Variants in MINDY2 observed in about 807,000 individuals in gnomAD.
MINDY2 encodes ubiquitin carboxyl-terminal hydrolase MINDY-2.
Under a neutral mutation model 68.2 loss-of-function variants are expected in MINDY2, and 52 were observed. The observed-to-expected ratio is 0.76, with a 90% confidence interval of 0.61 to 0.96. The LOEUF is 0.96. Among genes scored for constraint, MINDY2 ranks in the 40% least tolerant of loss-of-function variants. The pLI is 0.00. For missense variants in MINDY2, 881 were observed against 773.4 expected, an observed-to-expected ratio of 1.14 and a Z score of -1.65; for synonymous variants, 372 against 303.0, an observed-to-expected ratio of 1.23 and a Z score of -2.36.
In MINDY2 at chr15:58,848,668, C is replaced by G. The variant is rs1402999723; in HGVS notation, c.1542+1198C>G. On this transcript the variant is annotated intron_variant, in intron 7 of 8. Transcript: ENST00000559228. The stretch of plus-strand genomic sequence containing the variant: ...GGCTGAGGCAGGAGAATGGCATGAA[C>G]CAAGGAGGCAGAGCTTGCAGCGAGC... 3.9e-5 allele frequency among the ~76,000 whole-genome samples: 6 copies of G among 152,086 alleles called. No homozygotes were observed. In the South Asian group the frequency reaches 1.0e-3, roughly 26 times the overall value.
intron 2 of MINDY2, among the ~76,000 whole-genome samples, chr15:58,788,210 C>T (rs576528343): frequency 6.6e-6 from 1 of 152,122 alleles, no homozygotes; most frequent in Non-Finnish European, 1.5e-5. Flanking sequence ...AAACAAGATA[C>T]ATCTTAATCC....
chr15:58,817,855 A>G (rs766297284), intron 4 of MINDY2: 1 of 152,270 alleles, frequency 6.6e-6, no homozygotes, highest in Non-Finnish European at 1.5e-5. Flanking sequence ...TGGTTTATCC[A>G]TTAAAGTTGA....
chr15:58,830,814 G>C (rs2031668835), intron 5 of MINDY2, among the ~76,000 whole-genome samples: 2 of 152,034 alleles, frequency 1.3e-5, no homozygotes, highest in Non-Finnish European at 2.9e-5. Flanking sequence ...GAAGCAAGAA[G>C]GCAGAATGTT....
At chr15:58,835,085 G>GT (rs1156453302) in intron 6 of MINDY2, among the ~76,000 whole-genome samples, 1 of 152,158 alleles carries the variant, frequency 6.6e-6, no homozygotes, top group Admixed American at 6.5e-5. Flanking sequence ...TATTGAGCAT[G>GT]TATCATGTCT....
chr15:58,810,189 T>C, intron 3 of MINDY2, 41 bp from the exon 4 acceptor site: 1 of 1,537,872 alleles, frequency 6.5e-7, no homozygotes, highest in Non-Finnish European at 8.8e-7. Flanking sequence ...GTTCTCGTTT[T>C]GATGTTTCTG....
chr15:58,853,645 C>G (rs113800059), intron 8 of MINDY2, among the ~76,000 whole-genome samples: 3 of 151,408 alleles, frequency 2.0e-5, no homozygotes, highest in Non-Finnish European at 2.9e-5. Context: ...ATGATGAAAC[C>G]CTGTCACTAC....
intron 5 of MINDY2, among the ~76,000 whole-genome samples, chr15:58,824,671 CT>C (rs559754099): frequency 0.064 from 8,660 of 135,086 alleles, 619 homozygotes; most frequent in African/African-American, 0.22. Flanking sequence ...ATCATATTAT[CT>C]TTTTTTTTTT....
intron 8 of MINDY2, among the ~76,000 whole-genome samples, chr15:58,852,922 G>GTTTTTGTTTTTTTTTTTTTTT (rs2032893601): frequency 2.0e-5 from 1 of 48,930 alleles, no homozygotes; most frequent in Non-Finnish European, 4.0e-5. Context: ...TGCTGTTCCT[G>GTTTTTGTTTTTTTTTTTTTTT]TTTTTTTTTT....
chr15:58,794,992 G>A (rs2084293584), intron 2 of MINDY2, among the ~76,000 whole-genome samples: 1 of 145,984 alleles, frequency 6.9e-6, no homozygotes, highest in Non-Finnish European at 1.5e-5. Flanking sequence ...TCGAGACCAC[G>A]GTGAAACCCC....
chr15:58,789,179 A>T (rs1202598942), intron 2 of MINDY2, among the ~76,000 whole-genome samples: 1 of 152,152 alleles, frequency 6.6e-6, no homozygotes, highest in Non-Finnish European at 1.5e-5. Flanking sequence ...CGACTAAAAA[A>T]TACAAAAAAT....
chr15:58,793,119 G>A (rs1483274205), intron 2 of MINDY2, among the ~76,000 whole-genome samples: 1 of 152,166 alleles, frequency 6.6e-6, no homozygotes, highest in Non-Finnish European at 1.5e-5. Flanking sequence ...ACTGCTAATG[G>A]GTACAGGGTT....
intron 2 of MINDY2, among the ~76,000 whole-genome samples, chr15:58,797,259 C>G (rs1357309551): frequency 6.6e-6 from 1 of 152,142 alleles, no homozygotes; most frequent in South Asian, 2.1e-4. Flanking sequence ...TTTATCCCAG[C>G]ACTTCGCGAG....
intron 7 of MINDY2, among the ~76,000 whole-genome samples, chr15:58,851,231 C>T (rs1490744204): frequency 6.6e-6 from 1 of 152,146 alleles, no homozygotes; most frequent in African/African-American, 2.4e-5. Flanking sequence ...GCCTTGGCCT[C>T]CCAAAGTGCT....
At chr15:58,812,909 C>T (rs534657920) in intron 4 of MINDY2, among the ~76,000 whole-genome samples, 1 of 152,254 alleles carries the variant, frequency 6.6e-6, no homozygotes, top group Admixed American at 6.5e-5. Flanking sequence ...TGGCACATTT[C>T]TGTTAACACA....
At chr15:58,838,891 T>A (rs781142353) in intron 6 of MINDY2, among the ~76,000 whole-genome samples, 12 of 151,950 alleles carry the variant, frequency 7.9e-5, no homozygotes, top group Non-Finnish European at 1.3e-4. Flanking sequence ...TAATTTTTAT[T>A]ACGACTTTTC....
At chr15:58,853,634 T>A (rs560953127) in intron 8 of MINDY2, among the ~76,000 whole-genome samples, 2 of 149,680 alleles carry the variant, frequency 1.3e-5, no homozygotes, top group African/African-American at 4.9e-5. Flanking sequence ...GCCTGGCCAA[T>A]ATGATGAAAC....
chr15:58,851,834 A>G lies in MINDY2; in HGVS notation c.1606A>G (p.Ile536Val). The change falls in exon 8 of 9, where the codon ATC becomes GTC. Residue 536 changes from isoleucine (I) to valine (V), a missense_variant. Physicochemically the swap from Ile to Val is conservative, Grantham distance 29. Coordinates refer to ENST00000559228, the MANE Select transcript of MINDY2 (RefSeq NM_001040450.3). ...GAGCCAAGAGATCAATTGGGAACAAATCCCGGAAGGAATCAGTGATTTGGA... is the reference window on the plus strand; with the variant it reads ...GAGCCAAGAGATCAATTGGGAACAAGTCCCGGAAGGAATCAGTGATTTGGA... ...QQSQEINWEQ[I>V]PEGISDLELA... 1.2e-6 allele frequency: 2 copies of G among 1,612,996 alleles called. No individual in the cohort carries two copies. The highest frequency in any genetic ancestry group is 1.7e-6 in the Non-Finnish European group (2 of 1,179,672).
At chr15:58,830,787 C>T (rs1296556252) in intron 5 of MINDY2, among the ~76,000 whole-genome samples, 2 of 152,018 alleles carry the variant, frequency 1.3e-5, no homozygotes, top group African/African-American at 4.8e-5. Context: ...CACTTGTTTA[C>T]AGTATGCGAG....
intron 6 of MINDY2, among the ~76,000 whole-genome samples, chr15:58,832,757 C>A (rs1255671714): frequency 2.6e-5 from 4 of 151,902 alleles, no homozygotes; most frequent in Admixed American, 2.6e-4. Flanking sequence ...AAACTCCCGA[C>A]CTCAGATGAT....
Sources: allele counts gnomAD v4.1 joint callset (sites outside exome capture counted in the v4.1 genomes callset), GRCh38; gene constraint gnomAD v4.1.1; transcripts MANE v1.5; gene names NCBI Gene and HGNC (gene_info 2026-07-23, HGNC 2026-07-21).